Variants in SEMA3A observed in about 807,000 individuals in gnomAD.
The protein encoded by SEMA3A is semaphorin-3A.
A neutral mutation model predicts 97.9 loss-of-function variants in SEMA3A; 29 were observed. The observed-to-expected ratio is 0.30, with a 90% CI of 0.22 to 0.40. The LOEUF (loss-of-function observed/expected upper bound fraction) is 0.40, where lower values mean the gene tolerates loss of function less well. SEMA3A is among the 10% of genes least tolerant of loss of function. The pLI is 1.00. For synonymous variants in SEMA3A, 321 were observed against 323.7 expected (o/e 0.99, Z 0.09); for missense variants, 763 against 951.3 (o/e 0.80, Z 2.60).
intron 5 of SEMA3A, among the ~76,000 whole-genome samples, chr7:84,049,960 C>A (rs201043454): frequency 0.05 from 7,331 of 147,108 alleles, 279 homozygotes; most frequent in East Asian, 0.19. Flanking sequence ...TGAGAATATG[C>A]GGTGTTTGGT....
At chr7:84,239,067 T>C (rs536149320) in intron 3 of SEMA3A, among the ~76,000 whole-genome samples, 209 of 152,142 alleles carry the variant, frequency 1.4e-3, no homozygotes, top group African/African-American at 5.0e-3. Flanking sequence ...ACTTAAAGAA[T>C]GTAGACCAAA....
chr7:84,478,389 T>C (rs1300307233), intron 1 of SEMA3A, among the ~76,000 whole-genome samples: 2 of 152,160 alleles, frequency 1.3e-5, no homozygotes, highest in Non-Finnish European at 2.9e-5. Context: ...TAAAACATAA[T>C]TGCATATAAA....
intron 4 of SEMA3A, among the ~76,000 whole-genome samples, chr7:84,081,321 G>C (rs1317823810): frequency 6.6e-6 from 1 of 151,962 alleles, no homozygotes; most frequent in Admixed American, 6.6e-5. Context: ...GGCCGGGCGC[G>C]GTGGCTCATG....
At chr7:84,325,213 C>T (rs1293018677) in intron 2 of SEMA3A, among the ~76,000 whole-genome samples, 1 of 151,882 alleles carries the variant, frequency 6.6e-6, no homozygotes, top group African/African-American at 2.4e-5. Flanking sequence ...GAGTTCTGAA[C>T]TCTGAAGTTA....
chr7:84,139,440 T>G (rs1204895350), intron 1 of SEMA3A, among the ~76,000 whole-genome samples: 1 of 152,050 alleles, frequency 6.6e-6, no homozygotes, highest in Non-Finnish European at 1.5e-5. Context: ...ATTCTTAAAT[T>G]TGGAAGGTGA....
rs567160978 is a variant in SEMA3A at position 84,024,438 on chromosome 7, C to T, written c.668-10087G>A. ...GCACACACCTATAATCCCAGCTATT[C>T]GGGAGGCTGAGGCACGAGAATTGCT... On this transcript the variant is annotated intron_variant, in intron 6 of 16. Transcript: ENST00000265362. Among the ~76,000 whole-genome samples the T allele has an allele frequency of 4.6e-5, 7 of 151,948 alleles. No homozygotes were observed. The South Asian group carries it at 8.3e-4, about 18-fold the overall frequency.
Position 84,277,568 on chromosome 7 carries a change from T to C in SEMA3A, c.-83+29639A>G, listed in dbSNP as rs77503392. 0.013 allele frequency among the ~76,000 whole-genome samples: 1,939 copies of C among 152,194 alleles called. 61 individuals carry two copies. The East Asian group carries it at 0.14, about 11-fold the overall frequency. ...TAGTAATGAAATACTCAAAGAATGA[T>C]GTTGTGTTAGTCCATTCTTGCATTG... is the stretch of plus-strand genomic sequence containing the variant. On this transcript the variant is annotated intron_variant, in intron 3 of 3. Coordinates refer to the SEMA3A transcript ENST00000424555.
intron 1 of SEMA3A, among the ~76,000 whole-genome samples, chr7:84,451,059 T>C (rs1271708123): frequency 6.6e-6 from 1 of 152,222 alleles, no homozygotes; most frequent in Non-Finnish European, 1.5e-5. Flanking sequence ...GCTTTCAGTG[T>C]CATAGCCAAG....
intron 5 of SEMA3A, among the ~76,000 whole-genome samples, chr7:84,055,918 C>G: frequency 6.6e-6 from 1 of 152,102 alleles, no homozygotes. Flanking sequence ...AAGAAATAAA[C>G]ATTTGTCCAA....
At chr7:84,011,768 C>CA (rs1429978183) in intron 7 of SEMA3A, among the ~76,000 whole-genome samples, 1 of 152,030 alleles carries the variant, frequency 6.6e-6, no homozygotes, top group South Asian at 2.1e-4. Flanking sequence ...GCTGTCACCA[C>CA]AAAAAATAAG....
intron 1 of SEMA3A, among the ~76,000 whole-genome samples, chr7:84,457,212 C>T (rs1805707654): frequency 6.6e-6 from 1 of 151,598 alleles, no homozygotes; most frequent in Admixed American, 6.6e-5. Context: ...TCTAGTTTTC[C>T]TGAGTCAGTT....
At chr7:84,181,338 ATAAC>A (rs1490105095) in intron 1 of SEMA3A, among the ~76,000 whole-genome samples, 1 of 148,932 alleles carries the variant, frequency 6.7e-6, no homozygotes, top group Non-Finnish European at 1.5e-5. Flanking sequence ...ATATATATAT[ATAAC>A]ACACATATAC....
At chr7:84,127,621 G>T (rs956637029) in intron 3 of SEMA3A, among the ~76,000 whole-genome samples, 2 of 152,084 alleles carry the variant, frequency 1.3e-5, no homozygotes, top group African/African-American at 2.4e-5. Context: ...TAATGTACAG[G>T]TATTAAGGAT....
Position 84,445,493 on chromosome 7 carries a change from C to CAAAAAAAAAAAAAAAAAAAAAAAAAAAAA in SEMA3A, c.-246+46966_-246+46967insTTTTTTTTTTTTTTTTTTTTTTTTTTTTT, listed in dbSNP as rs61298477. Among the ~76,000 whole-genome samples, 13 of 27,582 alleles carry CAAAAAAAAAAAAAAAAAAAAAAAAAAAAA rather than the reference C, an allele frequency of 4.7e-4. 1 individual carries two copies. Among genetic ancestry groups the CAAAAAAAAAAAAAAAAAAAAAAAAAAAAA allele is most frequent in the Non-Finnish European group, 9.5e-4 (12 of 12,680 alleles). 18.1% of individuals were successfully genotyped at this position (27,582 alleles called of 152,430 possible). A position where few individuals can be genotyped will look rare whatever the true frequency, so the allele number is the denominator to read the frequency against. ...TGGGCGACAGAGTGAGACTCCATCT[C>CAAAAAAAAAAAAAAAAAAAAAAAAAAAAA]AAAAAAAAAAAAAAAAAAAAAAAAA... On this transcript the variant is annotated intron_variant, in intron 1 of 3. Coordinates refer to the SEMA3A transcript ENST00000424555.
At chr7:84,440,075 T>C (rs1202246714) in intron 1 of SEMA3A, among the ~76,000 whole-genome samples, 1 of 152,182 alleles carries the variant, frequency 6.6e-6, no homozygotes, top group South Asian at 2.1e-4. Context: ...GAAGGTACTT[T>C]GTTAAAAAGC....
At chr7:84,143,939 T>TAA (rs1796381494) in intron 1 of SEMA3A, among the ~76,000 whole-genome samples, 13 of 142,180 alleles carry the variant, frequency 9.1e-5, no homozygotes, top group South Asian at 7.0e-4. Flanking sequence ...TCTCTCTCTC[T>TAA]CTCTCTCTCT....
intron 15 of SEMA3A, among the ~76,000 whole-genome samples, chr7:83,963,843 T>A (rs1467672738): frequency 2.0e-5 from 3 of 152,280 alleles, no homozygotes; most frequent in Non-Finnish European, 4.4e-5. Context: ...CAACTAATAT[T>A]TATCTAGCAT....
At chr7:84,251,755 C>T (rs908877378) in intron 3 of SEMA3A, among the ~76,000 whole-genome samples, 3 of 152,118 alleles carry the variant, frequency 2.0e-5, no homozygotes, top group Non-Finnish European at 4.4e-5. Flanking sequence ...TTTCCTGGGT[C>T]ACTGAATCTG....
At chr7:84,122,906 A>C (rs1047442010) in intron 3 of SEMA3A, among the ~76,000 whole-genome samples, 1 of 152,190 alleles carries the variant, frequency 6.6e-6, no homozygotes, top group African/African-American at 2.4e-5. Flanking sequence ...CAAGAATTTT[A>C]AAAAGTCTCA....
Sources: gnomAD v4.1 joint callset for allele counts (sites outside exome capture counted in the v4.1 genomes callset) on GRCh38, gnomAD v4.1.1 for gene constraint, MANE v1.5 for transcripts, NCBI Gene and HGNC (gene_info 2026-07-23, HGNC 2026-07-21) for gene names.